The following KCNIP4 variants were observed in gnomAD, a reference collection of about 807,000 sequenced individuals.
The protein encoded by KCNIP4 is potassium voltage-gated channel interacting protein 4.
In KCNIP4, 12 loss-of-function variants were observed where a neutral mutation model predicts 34.0. The observed-to-expected ratio is 0.35, with a 90% CI of 0.23 to 0.57. The LOEUF (loss-of-function observed/expected upper bound fraction) is 0.57. Ranked by LOEUF, KCNIP4 falls within the 20% of genes least tolerant of loss-of-function variation. The probability of loss-of-function intolerance (pLI) is 0.83; values close to 1 mark genes in which losing one functional copy is unlikely to be tolerated. For synonymous variants in KCNIP4, 124 were observed against 102.2 expected (o/e 1.21, Z -1.29); for missense variants, 238 against 311.7 (o/e 0.76, Z 1.78).
intron 1 of KCNIP4, among the ~76,000 whole-genome samples, chr4:21,392,002 A>G (rs1027967459): frequency 1.3e-5 from 2 of 152,162 alleles, no homozygotes; most frequent in African/African-American, 2.4e-5. Context: ...ATTAACTTTT[A>G]TCACCTCACC....
At chr4:20,944,665 T>C (rs1169377314) in intron 1 of KCNIP4, among the ~76,000 whole-genome samples, 1 of 152,178 alleles carries the variant, frequency 6.6e-6, no homozygotes, top group African/African-American at 2.4e-5. Flanking sequence ...GCCCGAGGCT[T>C]TGCATCGGCT....
At chr4:21,780,900 A>G (rs1719534376) in intron 1 of KCNIP4, among the ~76,000 whole-genome samples, 1 of 152,156 alleles carries the variant, frequency 6.6e-6, no homozygotes, top group African/African-American at 2.4e-5. Context: ...ACCCCAGTCC[A>G]TCCTTTGGCT....
At chr4:21,412,158 C>A (rs926493188) in intron 1 of KCNIP4, among the ~76,000 whole-genome samples, 2 of 152,148 alleles carry the variant, frequency 1.3e-5, no homozygotes, top group African/African-American at 4.8e-5. Context: ...ACACTCAAGC[C>A]TCTAGTCTAA....
chr4:21,767,515 C>T (rs1178393181), intron 1 of KCNIP4, among the ~76,000 whole-genome samples: 2 of 151,848 alleles, frequency 1.3e-5, no homozygotes, highest in African/African-American at 2.4e-5. Context: ...GCTTTATTGC[C>T]AATTATGCAA....
At chr4:20,985,309 A>G (rs1736470884) in intron 1 of KCNIP4, among the ~76,000 whole-genome samples, 1 of 152,184 alleles carries the variant, frequency 6.6e-6, no homozygotes, top group Non-Finnish European at 1.5e-5. Flanking sequence ...TGGGAATTAA[A>G]TGTGATCACA....
intron 1 of KCNIP4, among the ~76,000 whole-genome samples, chr4:21,533,161 T>A (rs1736842931): frequency 6.6e-6 from 1 of 152,020 alleles, no homozygotes; most frequent in African/African-American, 2.4e-5. Flanking sequence ...ATCATGAAGG[T>A]AGCAATACTT....
chr4:21,881,586 T>C (rs914456816), intron 1 of KCNIP4, among the ~76,000 whole-genome samples: 1 of 152,158 alleles, frequency 6.6e-6, no homozygotes, highest in African/African-American at 2.4e-5. Context: ...ATCAGAACTA[T>C]ACAGTAATTG....
Position 21,075,064 on chromosome 4 carries a change from G to A in KCNIP4, c.62-192355C>T, listed in dbSNP as rs575192316. Reference sequence around the variant, plus strand: ...AGGAGAGCTTTACTTCCAACTATGTGGTCAATTTTGGAATAAGTGTGATGT... The same window carrying A: ...AGGAGAGCTTTACTTCCAACTATGTAGTCAATTTTGGAATAAGTGTGATGT... On this transcript the variant is annotated intron_variant, in intron 1 of 8. Transcript: ENST00000382152. 5.3e-5 allele frequency among the ~76,000 whole-genome samples: 8 copies of A among 152,184 alleles called. No individual in the cohort carries two copies. The East Asian group carries it at 7.7e-4, about 15-fold the overall frequency.
At chr4:21,547,681 G>A (rs1393835123) in intron 1 of KCNIP4, among the ~76,000 whole-genome samples, 2 of 152,036 alleles carry the variant, frequency 1.3e-5, no homozygotes, top group Middle Eastern at 6.3e-3. Context: ...AGATACATAA[G>A]GCCGAATGTC....
chr4:21,370,752 G>GA (rs1720268042), intron 1 of KCNIP4, among the ~76,000 whole-genome samples: 1 of 116,960 alleles, frequency 8.5e-6, no homozygotes, highest in African/African-American at 4.0e-5. Context: ...ACCCAGGAAG[G>GA]AAAAATGACT....
intron 1 of KCNIP4, among the ~76,000 whole-genome samples, chr4:21,442,056 G>T (rs1395232885): frequency 6.6e-6 from 1 of 152,084 alleles, no homozygotes; most frequent in East Asian, 1.9e-4. Flanking sequence ...GTGTTGTGTT[G>T]TATTGTTTCT....
At chr4:21,017,634 T>C (rs980657409) in intron 1 of KCNIP4, among the ~76,000 whole-genome samples, 5 of 152,230 alleles carry the variant, frequency 3.3e-5, no homozygotes, top group African/African-American at 7.2e-5. Context: ...CTATCGTCAA[T>C]AGTGCTGCAA....
intron 1 of KCNIP4, among the ~76,000 whole-genome samples, chr4:21,833,211 T>G (rs1478676889): frequency 6.6e-6 from 1 of 151,618 alleles, no homozygotes; most frequent in Non-Finnish European, 1.5e-5. Context: ...CCACCAACAG[T>G]GTAGAAGTGT....
chr4:20,787,375 G>T (rs781588730), intron 3 of KCNIP4, among the ~76,000 whole-genome samples: 2 of 152,226 alleles, frequency 1.3e-5, no homozygotes, highest in South Asian at 2.1e-4. Flanking sequence ...GTTTGAGAAT[G>T]CTATATGAGT....
At chr4:21,537,029 A>T (rs1560497825) in intron 1 of KCNIP4, among the ~76,000 whole-genome samples, 1 of 152,246 alleles carries the variant, frequency 6.6e-6, no homozygotes, top group East Asian at 1.9e-4. Flanking sequence ...CTATGAAATC[A>T]CACTGAGGCC....
intron 3 of KCNIP4, among the ~76,000 whole-genome samples, chr4:20,836,519 T>C (rs2149464994): frequency 6.6e-6 from 1 of 152,274 alleles, no homozygotes; most frequent in Non-Finnish European, 1.5e-5. Context: ...TTATGGGGAA[T>C]GGCAAGTCCA....
intron 1 of KCNIP4, among the ~76,000 whole-genome samples, chr4:20,921,504 A>G (rs1729387328): frequency 6.6e-6 from 1 of 152,006 alleles, no homozygotes; most frequent in African/African-American, 2.4e-5. Context: ...ATTAATTGTC[A>G]GATTATTTGT....
At chr4:20,945,858 T>A (rs1732140703) in intron 1 of KCNIP4, among the ~76,000 whole-genome samples, 1 of 152,174 alleles carries the variant, frequency 6.6e-6, no homozygotes, top group South Asian at 2.1e-4. Context: ...GGAGGACACG[T>A]AACAGGTTAG....
intron 1 of KCNIP4, among the ~76,000 whole-genome samples, chr4:21,604,442 T>G (rs1743471589): frequency 6.6e-6 from 1 of 152,218 alleles, no homozygotes; most frequent in Admixed American, 6.5e-5. Flanking sequence ...GGTTGTGTGA[T>G]TTCAGTATAA....
Sources: gnomAD v4.1 joint callset for allele counts (sites outside exome capture counted in the v4.1 genomes callset) on GRCh38, gnomAD v4.1.1 for gene constraint, MANE v1.5 for transcripts, NCBI Gene and HGNC (gene_info 2026-07-23, HGNC 2026-07-21) for gene names.